Variants in BCAS3 observed in about 807,000 individuals in gnomAD.
The protein encoded by BCAS3 is BCAS3 microtubule associated cell migration factor.
A neutral mutation model predicts 116.1 loss-of-function variants in BCAS3; 53 were observed. The ratio of observed to expected loss-of-function variants is 0.46; its 90% CI spans 0.37 to 0.57. The LOEUF is 0.57. Ranked by LOEUF, BCAS3 falls within the 20% of genes least tolerant of loss-of-function variation. The pLI, the probability that BCAS3 is intolerant of heterozygous loss-of-function variation, is 0.00. For synonymous variants in BCAS3, 391 were observed against 408.2 expected (o/e 0.96, Z 0.51); for missense variants, 917 against 1,165.4 (o/e 0.79, Z 3.10).
At position 61,211,539 on chromosome 17, in the gene BCAS3, A is replaced by G. The variant is rs776545891; in HGVS notation, c.2425+126975A>G. ...CTGTTGGCTGAAAAAAGCACTGTCT[A>G]CAACAGCAGAGGTGGCCGAGAAAGG... On this transcript the variant is annotated intron_variant, in intron 22 of 23. Transcript: ENST00000407086. This position sits in a 1 kb window ranked among gnomAD's most constrained non-coding sequence, Gnocchi z 4.4. Among the ~76,000 whole-genome samples the G allele has an allele frequency of 9.2e-5, 14 of 152,182 alleles. No homozygotes were observed. Among genetic ancestry groups the G allele is most frequent in the Admixed American group, 5.2e-4 (8 of 15,280 alleles).
At position 61,380,384 on chromosome 17, in the gene BCAS3, C is replaced by T. The variant is rs775909790; in HGVS notation, c.2594-11593C>T. ...CCTGGGAACAGACCATGAACACCCC[C>T]GCAAAGCTCTCAGTGGTCAAACCAG... On this transcript the variant is annotated intron_variant, in intron 23 of 23. Transcript: ENST00000407086. This position sits in a 1 kb window ranked among gnomAD's most constrained non-coding sequence, Gnocchi z 4.2. The T allele has an allele frequency of 8.3e-5, 72 of 862,680 alleles. No individual in the cohort carries two copies. The highest frequency in any genetic ancestry group is 1.2e-4 in the Non-Finnish European group (65 of 538,706). 53.4% of individuals were successfully genotyped at this position (862,680 alleles called of 1,614,324 possible).
intron 22 of BCAS3, among the ~76,000 whole-genome samples, chr17:61,091,939 A>C (rs368816208): frequency 6.6e-6 from 1 of 152,244 alleles, no homozygotes; most frequent in South Asian, 2.1e-4. Flanking sequence ...ATACAGCTTG[A>C]TGAATTTTTA....
intron 22 of BCAS3, among the ~76,000 whole-genome samples, chr17:61,293,973 G>C (rs1238292205): frequency 6.6e-6 from 1 of 152,146 alleles, no homozygotes; most frequent in Non-Finnish European, 1.5e-5. Flanking sequence ...ATGTTGGCCA[G>C]GCTGGTCTTG....
chr17:61,034,862 T>G lies in BCAS3; in HGVS notation c.1762+72T>G. On this transcript the variant is annotated intron_variant, in intron 17 of 23. Coordinates refer to ENST00000407086, the MANE Select transcript of BCAS3 (RefSeq NM_017679.5). The surrounding 1 kb of genome is among the most constrained non-coding windows in gnomAD (Gnocchi z 5.0). ...TTCTTAAGGAAAATTTTTAGCAGTT[T>G]CCCTAGAATAATCTTGTACCCAGTA... is the stretch of plus-strand genomic sequence containing the variant. 1 of 1,453,016 alleles carries G rather than the reference T, an allele frequency of 6.9e-7. No individual in the cohort carries two copies. Among genetic ancestry groups the G allele is most frequent in the Non-Finnish European group, 9.4e-7 (1 of 1,068,468 alleles). 90.0% of individuals were successfully genotyped at this position (1,453,016 alleles called of 1,614,324 possible).
chr17:60,935,708 A>G (rs1313127862), intron 13 of BCAS3, among the ~76,000 whole-genome samples: 1 of 152,126 alleles, frequency 6.6e-6, no homozygotes, highest in African/African-American at 2.4e-5. Context: ...TTGAAACTTT[A>G]TCTTTCATCT....
chr17:61,234,331 C>T (rs191775829), intron 22 of BCAS3, among the ~76,000 whole-genome samples: 24 of 152,232 alleles, frequency 1.6e-4, no homozygotes, highest in African/African-American at 5.5e-4. Flanking sequence ...CAATTTTGGC[C>T]TAGAGTGATT....
Position 61,041,985 on chromosome 17 carries a change from G to A in BCAS3, c.2029+1093G>A, listed in dbSNP as rs1230677644. On this transcript the variant is annotated intron_variant, in intron 19 of 23. Coordinates refer to ENST00000407086, the MANE Select transcript of BCAS3 (RefSeq NM_017679.5). This position sits in a 1 kb window ranked among gnomAD's most constrained non-coding sequence, Gnocchi z 4.7. ...ATTTAATAAAAAAGTAAAATAAAGT[G>A]GGGTAGGTGTGTCAGTGGAGGGTTA... 6.6e-6 allele frequency among the ~76,000 whole-genome samples: 1 copy of A among 151,998 alleles called. No individual in the cohort carries two copies. Among genetic ancestry groups the A allele is most frequent in the Non-Finnish European group, 1.5e-5 (1 of 67,980 alleles).
At chr17:60,773,647 T>G (rs1038671261) in intron 6 of BCAS3, among the ~76,000 whole-genome samples, 5 of 151,238 alleles carry the variant, frequency 3.3e-5, no homozygotes, top group African/African-American at 1.2e-4. Flanking sequence ...TATTGTTGAG[T>G]TTTTTTTTAT....
chr17:60,722,685 T>C (rs143042449), intron 5 of BCAS3, among the ~76,000 whole-genome samples: 4,674 of 149,110 alleles, frequency 0.031, 236 homozygotes, highest in African/African-American at 0.11. Context: ...CACTTGAACC[T>C]GGGAGGTGGA....
chr17:60,969,150 T>C (rs2061820184), intron 14 of BCAS3, among the ~76,000 whole-genome samples: 1 of 152,230 alleles, frequency 6.6e-6, no homozygotes, highest in Admixed American at 6.5e-5. Flanking sequence ...ATTTGAGTTC[T>C]GAGTGTTTCT....
chr17:60,959,469 T>C (rs929783862), intron 14 of BCAS3, among the ~76,000 whole-genome samples: 2 of 152,226 alleles, frequency 1.3e-5, no homozygotes, highest in African/African-American at 2.4e-5. Context: ...GTATGTCTTA[T>C]GTCCACAATA....
At chr17:61,093,184 A>G (rs1206512806) in intron 22 of BCAS3, among the ~76,000 whole-genome samples, 1 of 152,168 alleles carries the variant, frequency 6.6e-6, no homozygotes, top group Admixed American at 6.5e-5. Context: ...CTGGGATTAC[A>G]AGTATAAGCC....
chr17:60,857,210 C>T (rs1263205308), intron 7 of BCAS3, among the ~76,000 whole-genome samples: 1 of 152,068 alleles, frequency 6.6e-6, no homozygotes, highest in African/African-American at 2.4e-5. Flanking sequence ...ATATGGGATC[C>T]TGGGCACAAA....
At chr17:61,081,677 G>A (rs2072621891) in intron 21 of BCAS3, among the ~76,000 whole-genome samples, 1 of 152,098 alleles carries the variant, frequency 6.6e-6, no homozygotes, top group Admixed American at 6.6e-5. Context: ...AGTTTTTATG[G>A]GAAATATAGA....
intron 22 of BCAS3, among the ~76,000 whole-genome samples, chr17:61,212,333 G>A (rs1402201867): frequency 1.3e-5 from 2 of 152,238 alleles, no homozygotes; most frequent in South Asian, 2.1e-4. Context: ...GAACTCCTGG[G>A]CTGAAGTGAT....
intron 6 of BCAS3, among the ~76,000 whole-genome samples, chr17:60,752,513 T>C (rs1359835872): frequency 6.6e-6 from 1 of 151,938 alleles, no homozygotes; most frequent in Admixed American, 6.6e-5. Flanking sequence ...AAGCTCCGTC[T>C]GCTAGGTTCA....
At chr17:60,873,392 T>C (rs2055306592) in intron 8 of BCAS3, among the ~76,000 whole-genome samples, 1 of 152,192 alleles carries the variant, frequency 6.6e-6, no homozygotes, top group Non-Finnish European at 1.5e-5. Context: ...TTCCTTTTTT[T>C]ATACTCATAT....
intron 7 of BCAS3, chr17:60,810,525 AC>A: frequency 1.2e-6 from 1 of 848,918 alleles, no homozygotes. Context: ...AGAAGAAGGG[AC>A]CCCAGGTCAG....
At chr17:61,066,076 T>A (rs540399851) in intron 19 of BCAS3, among the ~76,000 whole-genome samples, 1 of 152,324 alleles carries the variant, frequency 6.6e-6, no homozygotes, top group Admixed American at 6.5e-5. Flanking sequence ...TATCCTTAAT[T>A]TGAGAAGCAG....
Sources: gnomAD v4.1 joint callset for allele counts (sites outside exome capture counted in the v4.1 genomes callset) on GRCh38, gnomAD v4.1.1 for gene constraint, Gnocchi (gnomAD v3.1) non-coding constraint, MANE v1.5 for transcripts, NCBI Gene and HGNC (gene_info 2026-07-23, HGNC 2026-07-21) for gene names.